GUCY1A2: variants seen among roughly 807,000 people sequenced by gnomAD.
GUCY1A2 encodes guanylate cyclase 1 soluble subunit alpha 2, also known as guanylate cyclase soluble subunit alpha-2.
Under a neutral mutation model 63.5 loss-of-function variants are expected in GUCY1A2, and 27 were observed. The observed-to-expected ratio is 0.43, with a 90% CI of 0.31 to 0.59. The LOEUF is 0.59. Among genes scored for constraint, GUCY1A2 ranks in the 20% least tolerant of loss-of-function variants. The probability of loss-of-function intolerance (pLI) is 0.11; values close to 1 mark genes in which losing one functional copy is unlikely to be tolerated. For missense variants in GUCY1A2, 768 were observed against 913.3 expected, an observed-to-expected ratio of 0.84 and a Z score of 2.05; for synonymous variants, 364 against 343.5, an observed-to-expected ratio of 1.06 and a Z score of -0.66.
In GUCY1A2 at chr11:106,997,627, C is replaced by T. The variant is rs56025412; in HGVS notation, c.304-11496G>A. On this transcript the variant is annotated intron_variant, in intron 1 of 7. Coordinates refer to ENST00000526355, the MANE Select transcript of GUCY1A2 (RefSeq NM_000855.3). The stretch of plus-strand genomic sequence containing the variant: ...GAAGCAAGATAGGGAACCCCCCCCC[C>T]CCACCCGAGCAAGACTATATATTAA... Among the ~76,000 whole-genome samples the T allele has an allele frequency of 2.0e-4, 25 of 126,772 alleles. 1 individual carries two copies. Among genetic ancestry groups the T allele is most frequent in the African/African-American group, 6.2e-4 (22 of 35,492 alleles). 83.2% of individuals were successfully genotyped at this position (126,772 alleles called of 152,430 possible). A position where few individuals can be genotyped will look rare whatever the true frequency, so the allele number is the denominator to read the frequency against.
chr11:106,957,855 CTTT>C (rs59519013), intron 3 of GUCY1A2, among the ~76,000 whole-genome samples: 21 of 87,260 alleles, frequency 2.4e-4, no homozygotes, highest in African/African-American at 3.7e-4. Context: ...AAGGGACAAA[CTTT>C]TTTTTTTTTT....
chr11:106,775,468 A>G (rs1463091649), intron 6 of GUCY1A2, among the ~76,000 whole-genome samples: 2 of 105,270 alleles, frequency 1.9e-5, no homozygotes, highest in Admixed American at 1.0e-4. Context: ...AGTTAAATTC[A>G]CCAATTACGT....
intron 3 of GUCY1A2, among the ~76,000 whole-genome samples, chr11:106,949,214 T>C (rs1290917515): frequency 9.5e-6 from 1 of 105,496 alleles, no homozygotes; most frequent in African/African-American, 3.1e-5. Flanking sequence ...ATACATCTCA[T>C]CATATTGTTT....
At chr11:106,811,099 A>G (rs1028846626) in intron 4 of GUCY1A2, among the ~76,000 whole-genome samples, 2 of 152,072 alleles carry the variant, frequency 1.3e-5, no homozygotes, top group Non-Finnish European at 2.9e-5. Context: ...TAGCATGTTC[A>G]TATAAGCTAA....
At chr11:106,951,443 G>A (rs1427033594) in intron 3 of GUCY1A2, among the ~76,000 whole-genome samples, 5 of 152,138 alleles carry the variant, frequency 3.3e-5, no homozygotes, top group East Asian at 1.9e-4. Context: ...TCTGACTGGC[G>A]TGAGATGGTA....
At chr11:107,002,528 T>A (rs1355481787) in intron 1 of GUCY1A2, among the ~76,000 whole-genome samples, 1 of 152,074 alleles carries the variant, frequency 6.6e-6, no homozygotes, top group Non-Finnish European at 1.5e-5. Context: ...AACAGTTCCC[T>A]CCATATGGTG....
At chr11:106,713,530 G>C (rs1162189016) in intron 6 of GUCY1A2, among the ~76,000 whole-genome samples, 2 of 115,548 alleles carry the variant, frequency 1.7e-5, no homozygotes, top group Admixed American at 2.3e-4. Flanking sequence ...TTTTTGAGAC[G>C]GAGTCTCGTC....
chr11:106,689,705 CAAGGG>C (rs1862588188), intron 7 of GUCY1A2, among the ~76,000 whole-genome samples: 1 of 152,006 alleles, frequency 6.6e-6, no homozygotes, highest in African/African-American at 2.4e-5. Context: ...ATTAAAAAGC[CAAGGG>C]CCGGGCACGG....
intron 6 of GUCY1A2, among the ~76,000 whole-genome samples, chr11:106,750,620 G>A (rs953587775): frequency 6.6e-6 from 1 of 151,966 alleles, no homozygotes; most frequent in South Asian, 2.1e-4. Flanking sequence ...TACTATAAAT[G>A]AAATGAATTC....
Position 106,860,959 on chromosome 11 carries a change from T to A in GUCY1A2, c.1207-50481A>T, listed in dbSNP as rs537447056. Among the ~76,000 whole-genome samples, 5 of 152,116 alleles carry A rather than the reference T, an allele frequency of 3.3e-5. No homozygotes were observed. In the South Asian group the frequency reaches 1.0e-3, roughly 32 times the overall value. On this transcript the variant is annotated intron_variant, in intron 4 of 7. Coordinates refer to ENST00000526355, the MANE Select transcript of GUCY1A2 (RefSeq NM_000855.3). ...AAGGGAAAAGCTCTACTCTTCCTGT[T>A]ATAAAGATAAATTTTAAGAAGGAGG...
At chr11:106,876,776 A>G (rs1339836524) in intron 4 of GUCY1A2, among the ~76,000 whole-genome samples, 1 of 152,040 alleles carries the variant, frequency 6.6e-6, no homozygotes. Flanking sequence ...TTATTCGGCT[A>G]TACACTCCAT....
intron 4 of GUCY1A2, among the ~76,000 whole-genome samples, chr11:106,877,927 C>T (rs777393233): frequency 2.0e-5 from 3 of 151,490 alleles, no homozygotes; most frequent in Admixed American, 2.0e-4. Flanking sequence ...AACAAACTTA[C>T]AAGAAAGAAA....
At chr11:106,919,360 G>A (rs1451513236) in intron 4 of GUCY1A2, among the ~76,000 whole-genome samples, 1 of 152,098 alleles carries the variant, frequency 6.6e-6, no homozygotes, top group African/African-American at 2.4e-5. Flanking sequence ...TTTGCTAAAA[G>A]AGTAGATTTT....
intron 4 of GUCY1A2, among the ~76,000 whole-genome samples, chr11:106,847,259 A>AT (rs1565308650): frequency 4.2e-5 from 6 of 141,286 alleles, no homozygotes; most frequent in South Asian, 4.4e-4. Context: ...TATATATATA[A>AT]AAAATTGTGG....
chr11:106,858,449 G>A (rs1232056626), intron 4 of GUCY1A2, among the ~76,000 whole-genome samples: 1 of 152,050 alleles, frequency 6.6e-6, no homozygotes, highest in Non-Finnish European at 1.5e-5. Flanking sequence ...TTCTTGACAA[G>A]CCTGTGAAAT....
At chr11:106,778,416 G>A (rs1435422125) in intron 5 of GUCY1A2, among the ~76,000 whole-genome samples, 1 of 152,150 alleles carries the variant, frequency 6.6e-6, no homozygotes, top group East Asian at 1.9e-4. Flanking sequence ...CCCTGGCTAC[G>A]ATGTGAGCTT....
chr11:106,868,939 C>T (rs1322067416), intron 4 of GUCY1A2, among the ~76,000 whole-genome samples: 7 of 152,150 alleles, frequency 4.6e-5, no homozygotes, highest in Non-Finnish European at 1.0e-4. Context: ...ACAGAGTCCT[C>T]AGAAATAATA....
At chr11:106,693,533 CA>C (rs1485444522) in intron 7 of GUCY1A2, among the ~76,000 whole-genome samples, 16 of 152,146 alleles carry the variant, frequency 1.1e-4, no homozygotes, top group Admixed American at 1.0e-3. Context: ...CTATGTCTTT[CA>C]GTTCTAGGAA....
chr11:106,805,248 A>ATTTT (rs11424210), intron 5 of GUCY1A2, among the ~76,000 whole-genome samples: 3 of 143,056 alleles, frequency 2.1e-5, no homozygotes, highest in African/African-American at 7.7e-5. Context: ...TATCACTAAC[A>ATTTT]TTTTTTTTTT....
Sources: allele counts gnomAD v4.1 joint callset (sites outside exome capture counted in the v4.1 genomes callset), GRCh38; gene constraint gnomAD v4.1.1; transcripts MANE v1.5; gene names NCBI Gene and HGNC (gene_info 2026-07-23, HGNC 2026-07-21).